GRID2: variants seen among roughly 807,000 people sequenced by gnomAD.
The protein encoded by GRID2 is glutamate ionotropic receptor delta type subunit 2, also known as glutamate receptor ionotropic, delta-2.
In GRID2, 33 loss-of-function variants were observed where a neutral mutation model predicts 114.8. That is an observed-to-expected ratio of 0.29 (90% CI 0.22 to 0.38). The LOEUF (loss-of-function observed/expected upper bound fraction) is 0.38. Among genes scored for constraint, GRID2 ranks in the 10% least tolerant of loss-of-function variants. GRID2 has a pLI of 1.00. For synonymous variants in GRID2, 505 were observed against 449.9 expected (o/e 1.12, Z -1.55); for missense variants, 1,184 against 1,257.7 (o/e 0.94, Z 0.89).
At chr4:93,484,861 T>C (rs962938375) in intron 11 of GRID2, among the ~76,000 whole-genome samples, 10 of 151,892 alleles carry the variant, frequency 6.6e-5, no homozygotes, top group African/African-American at 2.2e-4. Flanking sequence ...GTTTGGGCTG[T>C]TTCCAGTTTA....
intron 2 of GRID2, among the ~76,000 whole-genome samples, chr4:92,841,429 T>G (rs1742886096): frequency 6.6e-6 from 1 of 152,112 alleles, no homozygotes; most frequent in Non-Finnish European, 1.5e-5. Context: ...GAGGAGCTAT[T>G]TATGTCTTTC....
At chr4:92,373,809 A>C (rs1729228564) in intron 1 of GRID2, among the ~76,000 whole-genome samples, 1 of 152,052 alleles carries the variant, frequency 6.6e-6, no homozygotes, top group Non-Finnish European at 1.5e-5. Flanking sequence ...ATGCACAGAA[A>C]CTCTCTAGGA....
intron 1 of GRID2, among the ~76,000 whole-genome samples, chr4:92,471,337 T>C (rs1254172689): frequency 6.6e-6 from 1 of 152,048 alleles, no homozygotes; most frequent in Admixed American, 6.6e-5. Flanking sequence ...CCAAACAAGA[T>C]TGAGGACCAG....
intron 1 of GRID2, among the ~76,000 whole-genome samples, chr4:92,380,768 A>G (rs1028149152): frequency 2.5e-4 from 38 of 152,096 alleles, no homozygotes; most frequent in African/African-American, 8.9e-4. Context: ...TCAGGGTACA[A>G]TTTTGCTTCT....
chr4:93,218,901 T>G (rs911024983), intron 6 of GRID2, among the ~76,000 whole-genome samples: 1 of 152,130 alleles, frequency 6.6e-6, no homozygotes, highest in East Asian at 1.9e-4. Flanking sequence ...GAAAAGCCGC[T>G]TATAAAACCA....
intron 1 of GRID2, among the ~76,000 whole-genome samples, chr4:92,489,463 A>C (rs1723046733): frequency 6.6e-6 from 1 of 152,192 alleles, no homozygotes; most frequent in Admixed American, 6.6e-5. Flanking sequence ...ATTTCCATGT[A>C]ACAACAATAA....
chr4:92,796,394 T>C (rs892286418), intron 2 of GRID2, among the ~76,000 whole-genome samples: 4 of 151,846 alleles, frequency 2.6e-5, no homozygotes, highest in Non-Finnish European at 5.9e-5. Context: ...AGAAAAAGAA[T>C]TGTCATTGTC....
rs1465122711 is a variant in GRID2, at chr4:92,472,087, C to T, written c.89-118044C>T. 1.7e-5 allele frequency among the ~76,000 whole-genome samples: 2 copies of T among 117,632 alleles called. 1 individual carries two copies. The highest frequency in any genetic ancestry group is 7.6e-5 in the African/African-American group (2 of 26,418). The allele number at this position is 117,632 out of a possible 152,430, so 77.2% of individuals were successfully genotyped here. ...TAGCTGGGACTACAGGCGCCCGCCACTACGCCCAGCTAATTTTTTGTATTT... is the reference window on the plus strand; with the variant it reads ...TAGCTGGGACTACAGGCGCCCGCCATTACGCCCAGCTAATTTTTTGTATTT... On this transcript the variant is annotated intron_variant, in intron 1 of 15. Coordinates refer to ENST00000282020, the MANE Select transcript of GRID2 (RefSeq NM_001510.4).
At chr4:92,654,792 G>A (rs548472457) in intron 2 of GRID2, among the ~76,000 whole-genome samples, 3 of 151,730 alleles carry the variant, frequency 2.0e-5, no homozygotes, top group African/African-American at 7.3e-5. Flanking sequence ...CTTATATTCT[G>A]GATGTTAGTC....
At chr4:93,159,286 T>C (rs1363442448) in intron 4 of GRID2, among the ~76,000 whole-genome samples, 2 of 151,840 alleles carry the variant, frequency 1.3e-5, no homozygotes, top group African/African-American at 2.4e-5. Context: ...CCCATAACTT[T>C]ACTTCCAACC....
intron 2 of GRID2, among the ~76,000 whole-genome samples, chr4:93,018,246 G>C (rs1722960990): frequency 6.8e-6 from 1 of 147,470 alleles, no homozygotes; most frequent in Admixed American, 6.8e-5. Context: ...AAACCTACAA[G>C]GAAGTTTCAG....
In GRID2 at chr4:93,423,131, ACTCAATACT is replaced by A. The variant is rs1768467897; in HGVS notation, c.1545+164_1545+172del. On this transcript the variant is annotated intron_variant, in intron 10 of 15. Transcript: ENST00000282020. ...TGGTGGAATTGAGTACAAAAGTCTCACTCAATACTATTTTATGAACTTTGTGGAAAGAAA... is the reference window on the plus strand; with the variant it reads ...TGGTGGAATTGAGTACAAAAGTCTCAATTTTATGAACTTTGTGGAAAGAAA... Among the ~76,000 whole-genome samples the A allele has an allele frequency of 7.9e-5, 12 of 152,232 alleles. No homozygotes were observed. The South Asian group carries it at 2.5e-3, about 32-fold the overall frequency.
chr4:93,158,563 A>G (rs1257564885), intron 4 of GRID2, among the ~76,000 whole-genome samples: 1 of 151,642 alleles, frequency 6.6e-6, no homozygotes, highest in Non-Finnish European at 1.5e-5. Flanking sequence ...TATCTGTCAT[A>G]TTTGCATTTT....
At chr4:92,464,594 T>C (rs1224152579) in intron 1 of GRID2, among the ~76,000 whole-genome samples, 1 of 152,012 alleles carries the variant, frequency 6.6e-6, no homozygotes, top group Non-Finnish European at 1.5e-5. Flanking sequence ...AAAAAGGTAA[T>C]ACATGACTTC....
At chr4:93,661,492 T>G (rs1430431413) in intron 14 of GRID2, among the ~76,000 whole-genome samples, 1 of 152,186 alleles carries the variant, frequency 6.6e-6, no homozygotes, top group Non-Finnish European at 1.5e-5. Context: ...AAAATATGTG[T>G]GTTCAATAAG....
intron 2 of GRID2, among the ~76,000 whole-genome samples, chr4:93,020,747 T>C (rs114994568): frequency 0.048 from 7,279 of 152,218 alleles, 310 homozygotes; most frequent in East Asian, 0.19. Context: ...AAAAGAAATA[T>C]ATGGGCTGGG....
At chr4:92,713,520 A>G (rs1735381500) in intron 2 of GRID2, among the ~76,000 whole-genome samples, 1 of 90,492 alleles carries the variant, frequency 1.1e-5, no homozygotes. Context: ...TATATATATT[A>G]CCAAAATTAG....
chr4:92,351,530 A>G (rs1346077869), intron 1 of GRID2, among the ~76,000 whole-genome samples: 2 of 151,760 alleles, frequency 1.3e-5, no homozygotes, highest in African/African-American at 2.4e-5. Flanking sequence ...CCTCTCTTCT[A>G]GCTACTTGAA....
intron 9 of GRID2, among the ~76,000 whole-genome samples, chr4:93,398,133 G>GTATATATATATA (rs1553923238): frequency 2.8e-4 from 34 of 122,352 alleles, no homozygotes; most frequent in African/African-American, 1.2e-3. Flanking sequence ...ATGTGTGTGT[G>GTATATATATATA]TATATATATA....
Sources: gnomAD v4.1 joint callset for allele counts (sites outside exome capture counted in the v4.1 genomes callset) on GRCh38, gnomAD v4.1.1 for gene constraint, MANE v1.5 for transcripts, NCBI Gene and HGNC (gene_info 2026-07-23, HGNC 2026-07-21) for gene names.